LSM1: variants seen among roughly 807,000 people sequenced by gnomAD.
The protein encoded by LSM1 is U6 snRNA-associated Sm-like protein LSm1.
A neutral mutation model predicts 18.0 loss-of-function variants in LSM1; 13 were observed. The ratio of observed to expected loss-of-function variants is 0.72; its 90% confidence interval spans 0.47 to 1.15. The LOEUF is 1.15. Among genes scored for constraint, LSM1 ranks in the 50% most tolerant of loss-of-function variants. The probability of loss-of-function intolerance (pLI) is 0.00; values close to 1 mark genes in which losing one functional copy is unlikely to be tolerated. For synonymous variants in LSM1, 46 were observed against 56.0 expected, an observed-to-expected ratio of 0.82 and a Z score of 0.80; for missense variants, 152 against 157.7, an observed-to-expected ratio of 0.96 and a Z score of 0.19.
chr8:38,175,025 C>CAAAAAA (rs1203614273), intron 1 of LSM1, among the ~76,000 whole-genome samples: 8 of 57,040 alleles, frequency 1.4e-4, no homozygotes, highest in Non-Finnish European at 1.7e-4. Flanking sequence ...GACTCTGTCT[C>CAAAAAA]AAAAAAAAAA....
intron 3 of LSM1, among the ~76,000 whole-genome samples, chr8:38,168,291 TAAC>T (rs1259532969): frequency 3.3e-5 from 5 of 149,414 alleles, no homozygotes; most frequent in African/African-American, 4.9e-5. Flanking sequence ...CACAAGAAGA[TAAC>T]AATTTCTGCT....
rs184654962 is a variant in LSM1, at chr8:38,169,681, G to C, written c.231+121C>G. On this transcript the variant is annotated intron_variant, in intron 3 of 3. Transcript: ENST00000311351. Reference sequence around the variant, plus strand: ...GTAGCTTCCCTAAATTAATTTGGTAGTTGCCTAGGAGAAGCCAGATAAATG... The same window carrying C: ...GTAGCTTCCCTAAATTAATTTGGTACTTGCCTAGGAGAAGCCAGATAAATG... The C allele has an allele frequency of 3.8e-3, 2,224 of 580,272 alleles. 9 individuals carry two copies. The highest frequency in any genetic ancestry group is 4.8e-3 in the Non-Finnish European group (1,583 of 326,888). The allele number at this position is 580,272 out of a possible 1,614,324, so 35.9% of individuals were successfully genotyped here. A position where few individuals can be genotyped will look rare whatever the true frequency, so the allele number is the denominator to read the frequency against.
chr8:38,173,722 G>A (rs926276718), intron 1 of LSM1, among the ~76,000 whole-genome samples: 2 of 152,202 alleles, frequency 1.3e-5, no homozygotes, highest in African/African-American at 4.8e-5. Flanking sequence ...TGATTCTAAA[G>A]TGCTATCAGG....
At position 38,163,577 on chromosome 8, in the gene LSM1, A is replaced by G; in HGVS notation, c.*93T>C. On this transcript the variant is annotated 3_prime_UTR_variant, in exon 4 of 4. Coordinates refer to ENST00000311351, the MANE Select transcript of LSM1 (RefSeq NM_014462.3). Reference sequence around the variant, plus strand: ...TAAAAGTGACTTTTCAAAACTCTACAGTCTGTGATCAAATGCGTGAGGTGG... The same window carrying G: ...TAAAAGTGACTTTTCAAAACTCTACGGTCTGTGATCAAATGCGTGAGGTGG... 1 of 1,108,758 alleles carries G rather than the reference A, an allele frequency of 9.0e-7. No individual in the cohort carries two copies. The highest frequency in any genetic ancestry group is 2.4e-5 in the Admixed American group (1 of 42,532). The allele number at this position is 1,108,758 out of a possible 1,614,324, so 68.7% of individuals were successfully genotyped here. A position where few individuals can be genotyped will look rare whatever the true frequency, so the allele number is the denominator to read the frequency against.
chr8:38,169,960 T>A, intron 2 of LSM1, 43 bp from the exon 3 acceptor site: 1 of 988,238 alleles, frequency 1.0e-6, no homozygotes, highest in Non-Finnish European at 1.6e-6. Flanking sequence ...TAGTTTAAAC[T>A]ACTGGGTAAA....
chr8:38,173,291 G>C (rs949189896), intron 1 of LSM1, among the ~76,000 whole-genome samples: 1 of 151,038 alleles, frequency 6.6e-6, no homozygotes, highest in Non-Finnish European at 1.5e-5. Context: ...TACAGAGAGA[G>C]AAACTGTATT....
chr8:38,173,503 G>A (rs1295234558), intron 1 of LSM1, among the ~76,000 whole-genome samples: 2 of 152,196 alleles, frequency 1.3e-5, no homozygotes, highest in East Asian at 3.8e-4. Context: ...CTGGGCGCAG[G>A]CTGCATCTGG....
At chr8:38,165,554 A>G (rs1388148449) in intron 3 of LSM1, among the ~76,000 whole-genome samples, 2 of 148,204 alleles carry the variant, frequency 1.3e-5, no homozygotes, top group Non-Finnish European at 3.0e-5. Context: ...CAACCCAGCC[A>G]GGTGTGGTGG....
rs978449960 is a variant in LSM1, at chr8:38,174,124, T to C, written c.47-2091A>G. 3.9e-5 allele frequency among the ~76,000 whole-genome samples: 6 copies of C among 152,248 alleles called. No homozygotes were observed. In the East Asian group the frequency reaches 1.2e-3, roughly 29 times the overall value. ...AATTAGATTGCAGGAGTAATGTAAG[T>C]AGTCTATTGAAGGTGATCAAGAAAC... On this transcript the variant is annotated intron_variant, in intron 1 of 3. Transcript: ENST00000311351.
intron 2 of LSM1, 57 bp downstream of exon 2, chr8:38,171,908 G>T: frequency 1.6e-6 from 2 of 1,283,128 alleles, no homozygotes; most frequent in Non-Finnish European, 2.2e-6. Flanking sequence ...AACAAAAAAT[G>T]CAATGGGCTG....
At chr8:38,168,407 A>G (rs1802973550) in intron 3 of LSM1, among the ~76,000 whole-genome samples, 1 of 151,420 alleles carries the variant, frequency 6.6e-6, no homozygotes, top group African/African-American at 2.4e-5. Context: ...CCTGGCCAAC[A>G]TAGTGAAACC....
chr8:38,165,930 G>GT (rs946011986), intron 3 of LSM1: 2 of 151,864 alleles, frequency 1.3e-5, no homozygotes, highest in Non-Finnish European at 2.9e-5. Context: ...ACTTTAATTC[G>GT]TTTTTTCACT....
chr8:38,166,387 A>G (rs1344269056), intron 3 of LSM1, among the ~76,000 whole-genome samples: 1 of 152,180 alleles, frequency 6.6e-6, no homozygotes, highest in Non-Finnish European at 1.5e-5. Context: ...CCAAAGTGTG[A>G]GCCACTGTGC....
At position 38,176,441 on chromosome 8, in the gene LSM1, CA is replaced by C; in HGVS notation, c.-122del. The C allele has an allele frequency of 1.3e-6, 1 of 759,282 alleles. No individual in the cohort carries two copies. The highest frequency in any genetic ancestry group is 1.7e-5 in the South Asian group (1 of 59,752). The allele number at this position is 759,282 out of a possible 1,614,324, so 47.0% of individuals were successfully genotyped here. A position where few individuals can be genotyped will look rare whatever the true frequency, so the allele number is the denominator to read the frequency against. On this transcript the variant is annotated 5_prime_UTR_variant, in exon 1 of 4. Coordinates refer to ENST00000311351, the MANE Select transcript of LSM1 (RefSeq NM_014462.3). The stretch of plus-strand genomic sequence containing the variant: ...AGCCCGGAATCCCGACCGAGACCAG[CA>C]CTTCTGCCCCGGCTTTCAGCCGCCG...
At chr8:38,169,454 T>A (rs72643084) in intron 3 of LSM1, among the ~76,000 whole-genome samples, 8,751 of 152,306 alleles carry the variant, frequency 0.057, 348 homozygotes, top group South Asian at 0.13. Flanking sequence ...ACAGGCAATA[T>A]GTACTTCCCT....
chr8:38,176,074 G>A (rs986001941), intron 1 of LSM1: 35 of 493,316 alleles, frequency 7.1e-5, no homozygotes, highest in African/African-American at 6.7e-4. Context: ...AGGCTGCGAG[G>A]GGCAGAAGTA....
At chr8:38,168,362 G>A (rs1307774894) in intron 3 of LSM1, among the ~76,000 whole-genome samples, 44 of 151,456 alleles carry the variant, frequency 2.9e-4, no homozygotes, top group Admixed American at 1.1e-3. Context: ...AGGCCGAGGC[G>A]GGTAGATCGC....
chr8:38,171,384 A>G (rs544942499), intron 2 of LSM1, among the ~76,000 whole-genome samples: 1 of 152,322 alleles, frequency 6.6e-6, no homozygotes, highest in African/African-American at 2.4e-5. Flanking sequence ...TCTAGACACC[A>G]AGGGACTGTC....
At chr8:38,172,273 C>T (rs1196392057) in intron 1 of LSM1, among the ~76,000 whole-genome samples, 1 of 150,294 alleles carries the variant, frequency 6.7e-6, no homozygotes, top group Non-Finnish European at 1.5e-5. Flanking sequence ...ACCAGGAAGC[C>T]TGACTAGCTG....
Sources: gnomAD v4.1 joint callset for allele counts (sites outside exome capture counted in the v4.1 genomes callset) on GRCh38, gnomAD v4.1.1 for gene constraint, MANE v1.5 for transcripts, NCBI Gene and HGNC (gene_info 2026-07-23, HGNC 2026-07-21) for gene names.